The following COL6A2 variants were observed in gnomAD, a reference collection of about 807,000 sequenced individuals.
COL6A2 encodes collagen alpha-2(VI) chain.
Under a neutral mutation model 124.9 loss-of-function variants are expected in COL6A2, and 90 were observed. That is an observed-to-expected ratio of 0.72 (90% CI 0.61 to 0.86). COL6A2 has a LOEUF of 0.86. COL6A2 is among the 40% of genes least tolerant of loss of function. COL6A2 has a pLI of 0.00. For synonymous variants in COL6A2, 793 were observed against 618.2 expected (o/e 1.28, Z -4.19); for missense variants, 1,607 against 1,502.5 (o/e 1.07, Z -1.15).
chr21:46,119,920 A>G (rs914580183), intron 15 of COL6A2, 70 bp downstream of exon 15: 49 of 1,351,806 alleles, frequency 3.6e-5, no homozygotes, highest in Non-Finnish European at 2.8e-5. Context: ...CGAGGGCCCC[A>G]ACCCCATTCC....
chr21:46,129,703 C>G lies in COL6A2; in HGVS notation c.2462-2251C>G, dbSNP rs979960097. 7 of 1,413,364 alleles carry G rather than the reference C, an allele frequency of 5.0e-6. No individual in the cohort carries two copies. In the African/African-American group the frequency reaches 1.0e-4, roughly 20 times the overall value. The allele number at this position is 1,413,364 out of a possible 1,614,324, so 87.6% of individuals were successfully genotyped here. On this transcript the variant is annotated intron_variant, in intron 27 of 27. Coordinates refer to ENST00000300527, the MANE Select transcript of COL6A2 (RefSeq NM_001849.4). ...GCTGCGGCTGCATCTTCCAGTCTCTCCTCCGTCTTCCTGTGGCCGCTCTCT... is the reference window on the plus strand; with the variant it reads ...GCTGCGGCTGCATCTTCCAGTCTCTGCTCCGTCTTCCTGTGGCCGCTCTCT...
intron 1 of COL6A2, among the ~76,000 whole-genome samples, chr21:46,104,435 G>A (rs1399022717): frequency 6.6e-6 from 1 of 152,176 alleles, no homozygotes; most frequent in African/African-American, 2.4e-5. Flanking sequence ...TCAGCAGGCA[G>A]AATAAAGAAT....
intron 13 of COL6A2, 121 bp from the exon 14 acceptor site, chr21:46,118,909 T>C (rs1249483395): frequency 2.1e-6 from 2 of 971,424 alleles, no homozygotes; most frequent in Non-Finnish European, 3.2e-6. Context: ...AGGGCCCCCA[T>C]GTGCCTGGCA....
intron 18 of COL6A2, 135 bp downstream of exon 18, chr21:46,121,753 C>A (rs1354960347): frequency 4.6e-6 from 4 of 866,770 alleles, no homozygotes; most frequent in Non-Finnish European, 7.5e-6. Flanking sequence ...CTGTTCTCAG[C>A]TCTGGAGTGA....
chr21:46,131,237 G>T (rs1164051597), intron 27 of COL6A2, among the ~76,000 whole-genome samples: 2 of 152,212 alleles, frequency 1.3e-5, no homozygotes, highest in South Asian at 2.1e-4. Flanking sequence ...CTGGCCCCAC[G>T]TGACACCCAC....
rs9981879 is a variant in COL6A2, at chr21:46,124,813, G to A, written c.1735-72G>A. ...CCCACGGTGGACCCACGTATCAGTG[G>A]GCAGTGGCCTGGGAGAGACTCAGCC... On this transcript the variant is annotated intron_variant, in intron 22 of 27. Coordinates refer to ENST00000300527, the MANE Select transcript of COL6A2 (RefSeq NM_001849.4). 0.052 allele frequency: 83,628 copies of A among 1,602,338 alleles called. 5,669 individuals are homozygous for A. The highest frequency in any genetic ancestry group is 0.4 in the East Asian group (17,984 of 44,764).
In COL6A2 at chr21:46,121,549, C is replaced by T; in HGVS notation, c.1459-7C>T. 1 of 1,612,790 alleles carries T rather than the reference C, an allele frequency of 6.2e-7. No individual in the cohort carries two copies. Among genetic ancestry groups the T allele is most frequent in the Non-Finnish European group, 8.5e-7 (1 of 1,179,920 alleles). On this transcript the variant is annotated splice_polypyrimidine_tract_variant and splice_region_variant and intron_variant, in intron 17 of 27. Transcript: ENST00000300527. The stretch of plus-strand genomic sequence containing the variant: ...TGCTGACTTCTGAATTTCTCTCCTG[C>T]CCTCAGGGATCTCGGGGAGACCCCG...
chr21:46,119,749 C>G, intron 14 of COL6A2, 39 bp from the exon 15 acceptor site: 1 of 1,542,880 alleles, frequency 6.5e-7, no homozygotes, highest in Non-Finnish European at 8.8e-7. Context: ...TGGGCTTGGA[C>G]TCAGCCCCCT....
Position 46,128,784 on chromosome 21 carries a change from G to A in COL6A2, c.2461+2243G>A, listed in dbSNP as rs893968651. On this transcript the variant is annotated intron_variant, in intron 27 of 27. Transcript: ENST00000300527. ...AGGACTCACATCCCAGAGAGGCTGA[G>A]GAAGGGTTTACCACCGCAAGCTTTC... is the stretch of plus-strand genomic sequence containing the variant. The A allele has an allele frequency of 2.5e-5, 21 of 853,038 alleles. No homozygotes were observed. The East Asian group carries it at 2.6e-4, about 11-fold the overall frequency. The allele number at this position is 853,038 out of a possible 1,614,324, so 52.8% of individuals were successfully genotyped here.
At chr21:46,126,372 T>TC (rs2078668064) in intron 26 of COL6A2, 131 bp from the exon 27 acceptor site, 2 of 1,500,370 alleles carry the variant, frequency 1.3e-6, no homozygotes, top group East Asian at 4.5e-5. Flanking sequence ...TGGGAAGGGG[T>TC]CGGGCCCTCT....
chr21:46,120,488 C>A, intron 15 of COL6A2, 27 bp from the exon 16 acceptor site: 1 of 1,527,134 alleles, frequency 6.5e-7, no homozygotes, highest in Non-Finnish European at 8.8e-7. Context: ...AGCTGAGACC[C>A]GTGGGGCCTC....
In COL6A2 at chr21:46,125,532, C is replaced by T. The variant is rs199960606; in HGVS notation, c.1884C>T (p.Tyr628=). The T allele has an allele frequency of 5.6e-6, 9 of 1,612,966 alleles. No individual in the cohort carries two copies. In the African/African-American group the frequency reaches 9.3e-5, roughly 17 times the overall value. The part of the protein sequence containing the change: ...FVIDSSESIG[Y]TNFTLEKNFV... ...TCGACAGCTCCGAGAGCATTGGGTA[C>T]ACCAACTTCACACTGGAGAAGAACT... Residue 628 remains tyrosine (Y), a synonymous_variant, in exon 25 of 28, where the codon TAC becomes TAT. Transcript: ENST00000300527.
intron 1 of COL6A2, among the ~76,000 whole-genome samples, chr21:46,102,513 T>G (rs2078298086): frequency 6.6e-6 from 1 of 152,194 alleles, no homozygotes; most frequent in African/African-American, 2.4e-5. Context: ...CTGAGTATGA[T>G]GTTCACTGTG....
intron 26 of COL6A2, 102 bp from the exon 27 acceptor site, chr21:46,126,401 G>A (rs2078668594): frequency 3.2e-6 from 5 of 1,555,026 alleles, no homozygotes; most frequent in Middle Eastern, 1.7e-4. Flanking sequence ...CAGGGCAGAG[G>A]CCAGCTGCAC....
intron 27 of COL6A2, chr21:46,129,366 G>T (rs556565019): frequency 6.2e-7 from 1 of 1,612,948 alleles, no homozygotes; most frequent in Non-Finnish European, 8.5e-7. Context: ...GGTCTACACC[G>T]CCGAGCGGGC....
chr21:46,129,496 CG>C, intron 27 of COL6A2: 1 of 1,561,806 alleles, frequency 6.4e-7, no homozygotes, highest in Non-Finnish European at 8.7e-7. Flanking sequence ...TGCTAAAGCC[CG>C]GGCACCCGCC....
intron 1 of COL6A2, among the ~76,000 whole-genome samples, chr21:46,110,167 G>T (rs2078379650): frequency 6.6e-6 from 1 of 152,180 alleles, no homozygotes; most frequent in Admixed American, 6.5e-5. Flanking sequence ...ACCCGGCCCG[G>T]CCCCATGGCA....
chr21:46,108,460 C>T (rs879559384), intron 1 of COL6A2, among the ~76,000 whole-genome samples: 1 of 152,066 alleles, frequency 6.6e-6, no homozygotes, highest in Non-Finnish European at 1.5e-5. Flanking sequence ...TCCATGACCA[C>T]AAAGATAAGA....
At position 46,125,513 on chromosome 21, in the gene COL6A2, G is replaced by A. The variant is rs2078648587; in HGVS notation, c.1865G>A (p.Ser622Asn). Residue 622 changes from serine to asparagine, a missense_variant, in exon 25 of 28, where the codon AGC (serine) becomes AAC (asparagine). Physicochemically the swap from Ser to Asn is conservative, Grantham distance 46 (BLOSUM62 1). This residue lies in a region of COL6A2 where 1,223 missense variants were observed against 1,052.2 expected (regional missense o/e 1.16). Coordinates refer to ENST00000300527, the MANE Select transcript of COL6A2 (RefSeq NM_001849.4). ...GALDVVFVID[S>N]SESIGYTNFT... ...CTGGACGTGGTCTTCGTCATCGACA[G>A]CTCCGAGAGCATTGGGTACACCAAC... The A allele has an allele frequency of 6.2e-7, 1 of 1,613,026 alleles. No individual in the cohort carries two copies. The highest frequency in any genetic ancestry group is 1.3e-5 in the African/African-American group (1 of 75,072).
Sources: gnomAD v4.1 joint callset for allele counts (sites outside exome capture counted in the v4.1 genomes callset) on GRCh38, gnomAD v4.1.1 for gene constraint, gnomAD v4.1.1 regional missense constraint, MANE v1.5 for transcripts, NCBI Gene and HGNC (gene_info 2026-07-23, HGNC 2026-07-21) for gene names.